GNPAT: variants seen among roughly 807,000 people sequenced by gnomAD.
GNPAT encodes the protein glyceronephosphate O-acyltransferase.
A neutral mutation model predicts 78.4 loss-of-function variants in GNPAT; 30 were observed. The ratio of observed to expected loss-of-function variants is 0.38; its 90% confidence interval spans 0.29 to 0.52. The LOEUF is 0.52. Among genes scored for constraint, GNPAT ranks in the 20% least tolerant of loss-of-function variants. GNPAT has a pLI of 0.84. For missense variants in GNPAT, 714 were observed against 812.2 expected (o/e 0.88, Z 1.47); for synonymous variants, 271 against 281.1 (o/e 0.96, Z 0.36).
Position 231,241,263 on chromosome 1 carries a change from G to A in GNPAT, c.-116G>A, listed in dbSNP as rs1380297699. On this transcript the variant is annotated 5_prime_UTR_variant, in exon 1 of 16. Coordinates refer to ENST00000366647, the MANE Select transcript of GNPAT (RefSeq NM_014236.4). ...GGGATCCTGTGTAGCGGCTGCAGAG[G>A]GTGCCGCCGCCCTAGGCGAAGTAGG... 2.3e-5 allele frequency: 33 copies of A among 1,421,402 alleles called. 1 individual carries two copies. Among genetic ancestry groups the A allele is most frequent in the South Asian group, 2.1e-4 (18 of 87,182 alleles). The allele number at this position is 1,421,402 out of a possible 1,614,324, so 88.0% of individuals were successfully genotyped here.
At chr1:231,277,426 C>T in intron 15 of GNPAT, 73 bp from the exon 16 acceptor site, 1 of 899,552 alleles carries the variant, frequency 1.1e-6, no homozygotes, top group South Asian at 1.3e-5. Context: ...TGGACAGTCG[C>T]CCAAGGAACA....
rs1685638665 is a variant in GNPAT, at chr1:231,273,987, C to G, written c.1668C>G (p.Ile556Met). 1 of 1,610,442 alleles carries G rather than the reference C, an allele frequency of 6.2e-7. No homozygotes were observed. Among genetic ancestry groups the G allele is most frequent in the Non-Finnish European group, 8.5e-7 (1 of 1,176,656 alleles). ...SEAIQVTTKD[I>M]LVTEKGNTVL... The stretch of plus-strand genomic sequence containing the variant: ...CCATACAAGTGACTACGAAAGACAT[C>G]CTAGTTACAGAGAAAGGAAATACTG... The change falls in exon 12 of 16, where the codon ATC becomes ATG. Residue 556 changes from isoleucine (I) to methionine (M), a missense_variant. Coordinates refer to ENST00000366647, the MANE Select transcript of GNPAT (RefSeq NM_014236.4).
chr1:231,272,058 C>G (rs1325116352), intron 10 of GNPAT, among the ~76,000 whole-genome samples: 1 of 152,172 alleles, frequency 6.6e-6, no homozygotes, highest in Non-Finnish European at 1.5e-5. Flanking sequence ...CAAGATTGCA[C>G]CATTGCACTC....
rs768884371 is a variant in GNPAT at position 231,251,434 on chromosome 1, G to T, written c.261+291G>T. Among the ~76,000 whole-genome samples, 18 of 152,164 alleles carry T rather than the reference G, an allele frequency of 1.2e-4. 1 individual carries two copies. Among genetic ancestry groups the T allele is most frequent in the South Asian group, 1.0e-3 (5 of 4,810 alleles). ...TGCAGGGGCGCTAATTAATTATAGG[G>T]GCAACTCATTTGGTGTAGAGAGTCA... On this transcript the variant is annotated intron_variant, in intron 2 of 15. Coordinates refer to ENST00000366647, the MANE Select transcript of GNPAT (RefSeq NM_014236.4).
chr1:231,273,109 G>A (rs1267031090), intron 11 of GNPAT, among the ~76,000 whole-genome samples: 3 of 152,200 alleles, frequency 2.0e-5, no homozygotes, highest in African/African-American at 7.2e-5. Context: ...AGACAGCTGA[G>A]GGGTCATCAG....
chr1:231,257,773 G>A (rs3767761), intron 2 of GNPAT, among the ~76,000 whole-genome samples: 89,835 of 151,906 alleles, frequency 0.59, 27,032 homozygotes, highest in African/African-American at 0.69. Flanking sequence ...TTTATCTCCA[G>A]CTGTCCAGTT....
chr1:231,265,498 T>C, intron 5 of GNPAT, 78 bp downstream of exon 5: 1 of 1,229,594 alleles, frequency 8.1e-7, no homozygotes, highest in Non-Finnish European at 1.2e-6. Context: ...TCTTAACTTC[T>C]GAATAGAACA....
At chr1:231,256,579 C>T (rs1302214405) in intron 2 of GNPAT, among the ~76,000 whole-genome samples, 2 of 147,882 alleles carry the variant, frequency 1.4e-5, no homozygotes, top group African/African-American at 5.0e-5. Context: ...TTCCGCCTCC[C>T]AGGTTTGCAC....
chr1:231,259,912 C>T (rs900630403), intron 2 of GNPAT, among the ~76,000 whole-genome samples: 1 of 152,194 alleles, frequency 6.6e-6, no homozygotes, highest in Non-Finnish European at 1.5e-5. Context: ...TTGCTCATCT[C>T]CAGGCCCTTG....
intron 2 of GNPAT, among the ~76,000 whole-genome samples, chr1:231,255,983 T>C (rs1325271293): frequency 2.0e-5 from 3 of 152,174 alleles, no homozygotes; most frequent in Admixed American, 6.5e-5. Context: ...CCTCATTTGC[T>C]TTTATGGGCT....
In GNPAT at chr1:231,260,743, A is replaced by T. The variant is rs557237489; in HGVS notation, c.438+60A>T. Reference sequence around the variant, plus strand: ...AAGTCTCATCTTAAAATTAAACAAAAAAAAAAACAGTCTCTTTTTCAACCC... The same window carrying T: ...AAGTCTCATCTTAAAATTAAACAAATAAAAAAACAGTCTCTTTTTCAACCC... On this transcript the variant is annotated intron_variant, in intron 3 of 15. Transcript: ENST00000366647. 5.2e-6 allele frequency: 6 copies of T among 1,145,680 alleles called. No homozygotes were observed. In the East Asian group the frequency reaches 1.4e-4, roughly 28 times the overall value. The allele number at this position is 1,145,680 out of a possible 1,614,324, so 71.0% of individuals were successfully genotyped here. A position where few individuals can be genotyped will look rare whatever the true frequency, so the allele number is the denominator to read the frequency against.
chr1:231,244,114 G>A (rs1008582238), intron 1 of GNPAT, among the ~76,000 whole-genome samples: 9 of 151,978 alleles, frequency 5.9e-5, no homozygotes, highest in Admixed American at 2.0e-4. Context: ...TCACCATGTC[G>A]GCCAGGCTGG....
At chr1:231,245,577 T>C (rs1684724634) in intron 1 of GNPAT, among the ~76,000 whole-genome samples, 1 of 152,172 alleles carries the variant, frequency 6.6e-6, no homozygotes, top group African/African-American at 2.4e-5. Context: ...TATATTCTCT[T>C]TCCAGTGGTG....
intron 8 of GNPAT, 66 bp from the exon 9 acceptor site, chr1:231,267,614 C>A: frequency 1.1e-6 from 1 of 945,784 alleles, no homozygotes; most frequent in South Asian, 1.3e-5. Flanking sequence ...CGTCTAGAGT[C>A]TTTTTCCATC....
At chr1:231,256,812 T>C (rs1329819039) in intron 2 of GNPAT, among the ~76,000 whole-genome samples, 1 of 152,220 alleles carries the variant, frequency 6.6e-6, no homozygotes, top group Non-Finnish European at 1.5e-5. Context: ...TGTCTCTTCC[T>C]GTCTATGTAT....
At position 231,275,307 on chromosome 1, in the gene GNPAT, G is replaced by A; in HGVS notation, c.1830G>A (p.Gln610=). 1 of 1,611,322 alleles carries A rather than the reference G, an allele frequency of 6.2e-7. No homozygotes were observed. Among genetic ancestry groups the A allele is most frequent in the South Asian group, 1.1e-5 (1 of 91,036 alleles). ...YLAAVRKFTS[Q]LLDQGTSQCY... is the part of the protein sequence containing the mutation. The stretch of plus-strand genomic sequence containing the variant: ...CTGCAGTCAGAAAATTCACAAGTCA[G>A]CTTCTCGATCAAGGTCAGTCACTGC... The change falls in exon 13 of 16, where the codon CAG becomes CAA. Residue 610 remains glutamine, a synonymous_variant. Transcript: ENST00000366647.
rs757778734 is a variant in GNPAT at position 231,277,526 on chromosome 1, C to A, written c.2027C>A (p.Ala676Asp). 1.3e-6 allele frequency: 2 copies of A among 1,589,924 alleles called. No individual in the cohort carries two copies. Among genetic ancestry groups the A allele is most frequent in the South Asian group, 2.2e-5 (2 of 90,598 alleles). ...TGTAAGACACCAATAGGAAAACCAGCCACTGCAAAACTTTAATAATCAACA... is the reference window on the plus strand; with the variant it reads ...TGTAAGACACCAATAGGAAAACCAGACACTGCAAAACTTTAATAATCAACA... The part of the protein sequence containing the change: ...LGCKTPIGKP[A>D]TAKL The change falls in exon 16 of 16, where the codon GCC (alanine) becomes GAC (aspartate). Residue 676 changes from alanine (A) to aspartate (D), a missense_variant. Ala to Asp is a moderately radical substitution (Grantham distance 126). Transcript: ENST00000366647.
At position 231,253,405 on chromosome 1, in the gene GNPAT, A is replaced by C. The variant is rs1033396039; in HGVS notation, c.261+2262A>C. On this transcript the variant is annotated intron_variant, in intron 2 of 15. Coordinates refer to ENST00000366647, the MANE Select transcript of GNPAT (RefSeq NM_014236.4). ...TGCTCTGGTTTCTAATTAGTGAAGAAGAAAGACAGTTGTCAAGCTTTAAAT... is the reference window on the plus strand; with the variant it reads ...TGCTCTGGTTTCTAATTAGTGAAGACGAAAGACAGTTGTCAAGCTTTAAAT... Among the ~76,000 whole-genome samples the C allele has an allele frequency of 9.2e-5, 14 of 152,360 alleles. No homozygotes were observed. The East Asian group carries it at 2.7e-3, about 29-fold the overall frequency.
intron 9 of GNPAT, among the ~76,000 whole-genome samples, chr1:231,270,338 T>A (rs1685524380): frequency 6.6e-6 from 1 of 152,166 alleles, no homozygotes; most frequent in Non-Finnish European, 1.5e-5. Context: ...GTTGTATGTT[T>A]TAATGTATTC....
Sources: allele counts gnomAD v4.1 joint callset (sites outside exome capture counted in the v4.1 genomes callset), GRCh38; gene constraint gnomAD v4.1.1; transcripts MANE v1.5; gene names NCBI Gene and HGNC (gene_info 2026-07-23, HGNC 2026-07-21).